The following ZNF678 variants were observed in gnomAD, a reference collection of about 807,000 sequenced individuals.
The protein encoded by ZNF678 is hypothetical protein MGC42493.
A neutral mutation model predicts 3.0 loss-of-function variants in ZNF678; 5 were observed. The observed-to-expected ratio is 1.69, with a 90% CI of 0.88 to 3.56. The LOEUF is 3.56. Among genes scored for constraint, ZNF678 ranks in the 30% most tolerant of loss-of-function variants. The pLI, the probability that ZNF678 is intolerant of heterozygous loss-of-function variation, is 0.00. For synonymous variants in ZNF678, 218 were observed against 199.6 expected (o/e 1.09, Z -0.78); for missense variants, 593 against 605.0 (o/e 0.98, Z 0.21).
rs747086047 is a variant in ZNF678 at position 227,588,506 on chromosome 1, C to CTT, written c.-164+24792_-164+24793dup. On this transcript the variant is annotated intron_variant, in intron 1 of 3. Coordinates refer to ENST00000343776, the MANE Select transcript of ZNF678 (RefSeq NM_001367909.1). Reference sequence around the variant, plus strand: ...TCACCAGCATCTGTTGTTTTTTTTACTTTTTTTTTTTGGAAACACAGTCTC... The same window carrying CTT: ...TCACCAGCATCTGTTGTTTTTTTTACTTTTTTTTTTTTTGGAAACACAGTCTC... Among the ~76,000 whole-genome samples the CTT allele has an allele frequency of 2.7e-3, 362 of 135,890 alleles. 12 individuals are homozygous for CTT. The highest frequency in any genetic ancestry group is 7.7e-3 in the African/African-American group (276 of 35,740). The allele number at this position is 135,890 out of a possible 152,430, so 89.1% of individuals were successfully genotyped here. A position where few individuals can be genotyped will look rare whatever the true frequency, so the allele number is the denominator to read the frequency against.
intron 1 of ZNF678, among the ~76,000 whole-genome samples, chr1:227,596,293 A>T (rs1342830622): frequency 1.3e-5 from 2 of 152,180 alleles, no homozygotes; most frequent in East Asian, 3.8e-4. Flanking sequence ...ACCTAAGACA[A>T]AACTCCTCAG....
intron 1 of ZNF678, among the ~76,000 whole-genome samples, chr1:227,592,861 G>A (rs930713047): frequency 2.6e-5 from 4 of 152,180 alleles, no homozygotes; most frequent in Admixed American, 2.6e-4. Flanking sequence ...CCAGTTATTC[G>A]GCAGAGTGCC....
intron 1 of ZNF678, among the ~76,000 whole-genome samples, chr1:227,598,042 C>T (rs1657640222): frequency 6.6e-6 from 1 of 152,192 alleles, no homozygotes; most frequent in Admixed American, 6.5e-5. Flanking sequence ...TGTAATCCCT[C>T]CTCCAAAAAT....
At chr1:227,578,186 A>G (rs775061030) in intron 1 of ZNF678, among the ~76,000 whole-genome samples, 1 of 151,928 alleles carries the variant, frequency 6.6e-6, no homozygotes, top group Non-Finnish European at 1.5e-5. Context: ...TTTTATTTCA[A>G]CCTCAGAGAA....
intron 1 of ZNF678, among the ~76,000 whole-genome samples, chr1:227,631,949 C>G (rs1371799204): frequency 6.6e-6 from 1 of 152,220 alleles, no homozygotes; most frequent in African/African-American, 2.4e-5. Flanking sequence ...AGACCTAGTT[C>G]CAGTTGTTAA....
chr1:227,593,203 G>A (rs1174613717), intron 1 of ZNF678, among the ~76,000 whole-genome samples: 1 of 152,224 alleles, frequency 6.6e-6, no homozygotes, highest in Non-Finnish European at 1.5e-5. Context: ...TTAGTGGAAG[G>A]GGGACAGTTT....
At chr1:227,566,730 A>G (rs1656696353) in intron 1 of ZNF678, among the ~76,000 whole-genome samples, 1 of 152,254 alleles carries the variant, frequency 6.6e-6, no homozygotes, top group South Asian at 2.1e-4. Flanking sequence ...AAGGTTAGAA[A>G]ATATTTACAA....
intron 1 of ZNF678, among the ~76,000 whole-genome samples, chr1:227,617,763 T>C (rs1450520430): frequency 6.6e-6 from 1 of 152,156 alleles, no homozygotes; most frequent in African/African-American, 2.4e-5. Flanking sequence ...AAAAGGTACA[T>C]AAATAGATGT....
intron 1 of ZNF678, among the ~76,000 whole-genome samples, chr1:227,589,842 T>A (rs1558134525): frequency 6.6e-6 from 1 of 151,948 alleles, no homozygotes; most frequent in East Asian, 1.9e-4. Context: ...TTTCTGCCTT[T>A]TAGTTTTTAC....
At chr1:227,564,716 CTGT>C (rs950101038) in intron 1 of ZNF678, among the ~76,000 whole-genome samples, 15 of 152,106 alleles carry the variant, frequency 9.9e-5, no homozygotes, top group Non-Finnish European at 2.1e-4. Flanking sequence ...TTTGTTGTTG[CTGT>C]TGTTGTTTTG....
In ZNF678 at chr1:227,654,815, G is replaced by C. The variant is rs61744724; in HGVS notation, c.565G>C (p.Val189Leu). 4,208 of 1,604,376 alleles carry C rather than the reference G, an allele frequency of 2.6e-3. 93 individuals are homozygous for C. The African/African-American group carries it at 0.048, about 18-fold the overall frequency. ...KPYKCDECDK[V>L]FNWWSQLTSH... is the part of the protein sequence containing the mutation. ...CTACAAATGTGATGAATGTGACAAA[G>C]TTTTTAATTGGTGGTCACAACTAAC... Residue 189 changes from valine to leucine, a missense_variant, in exon 4 of 4, where the codon GTT becomes CTT. By Grantham distance (32) the Val-to-Leu change is conservative. Transcript: ENST00000343776.
intron 1 of ZNF678, among the ~76,000 whole-genome samples, chr1:227,639,089 G>A (rs1179372322): frequency 6.6e-6 from 1 of 152,066 alleles, no homozygotes; most frequent in African/African-American, 2.4e-5. Context: ...GATGGGGGCG[G>A]TCCTTGCTGG....
At chr1:227,615,537 T>C (rs1168484676) in intron 1 of ZNF678, among the ~76,000 whole-genome samples, 1 of 152,182 alleles carries the variant, frequency 6.6e-6, no homozygotes, top group Admixed American at 6.5e-5. Flanking sequence ...CCTGTCCCAC[T>C]CCAGCCTGCC....
Position 227,668,628 on chromosome 1 carries a change from G to A in ZNF678, c.227-8551G>A, listed in dbSNP as rs1461375533. Among the ~76,000 whole-genome samples, 3 of 151,954 alleles carry A rather than the reference G, an allele frequency of 2.0e-5. No homozygotes were observed. In the East Asian group the frequency reaches 5.8e-4, roughly 29 times the overall value. ...ACCTGTGGCTTACGTAAGCCACTGG[G>A]GTCTACAAGTGTTCACATTTGGCAT... On this transcript the variant is annotated intron_variant, in intron 5 of 5. Coordinates refer to the ZNF678 transcript ENST00000608949.
rs796186350 is a variant in ZNF678, at chr1:227,662,345, TGAAGTTCTGTTTGCTGTCATGTG to T, written c.*6522_*6544del. The T allele has an allele frequency of 8.5e-5, 13 of 152,322 alleles. No homozygotes were observed. Among genetic ancestry groups the T allele is most frequent in the African/African-American group, 3.1e-4 (13 of 41,570 alleles). The allele number at this position is 152,322 out of a possible 1,614,324, so 9.4% of individuals were successfully genotyped here. A position where few individuals can be genotyped will look rare whatever the true frequency, so the allele number is the denominator to read the frequency against. On this transcript the variant is annotated 3_prime_UTR_variant, in exon 4 of 4. Coordinates refer to ENST00000343776, the MANE Select transcript of ZNF678 (RefSeq NM_001367909.1). ...GGTATGAATTTTCCTGTAAGCTACC[TGAAGTTCTGTTTGCTGTCATGTG>T]GAAGAAAAGAGCCTTGGAGAAGTTT... is the stretch of plus-strand genomic sequence containing the variant.
intron 1 of ZNF678, among the ~76,000 whole-genome samples, chr1:227,631,863 T>C (rs1658555332): frequency 6.6e-6 from 1 of 152,234 alleles, no homozygotes; most frequent in Non-Finnish European, 1.5e-5. Context: ...TCTTGGCAGA[T>C]GGATTTTGGG....
At chr1:227,671,900 A>T (rs1659606582) in intron 5 of ZNF678, among the ~76,000 whole-genome samples, 1 of 152,204 alleles carries the variant, frequency 6.6e-6, no homozygotes. Context: ...ATGTAAAAAA[A>T]TAGGACATGT....
chr1:227,576,359 G>A (rs1204768582), intron 1 of ZNF678, among the ~76,000 whole-genome samples: 3 of 152,194 alleles, frequency 2.0e-5, no homozygotes, highest in Non-Finnish European at 4.4e-5. Context: ...GTAGAATTCA[G>A]CTGTTAATTT....
chr1:227,581,399 TA>T (rs1226204387), intron 1 of ZNF678, among the ~76,000 whole-genome samples: 1 of 151,844 alleles, frequency 6.6e-6, no homozygotes, highest in African/African-American at 2.4e-5. Flanking sequence ...AAGGAAAAAT[TA>T]AAGGAAGCAT....
Sources: allele counts gnomAD v4.1 joint callset (sites outside exome capture counted in the v4.1 genomes callset), GRCh38; gene constraint gnomAD v4.1.1; transcripts MANE v1.5; gene names NCBI Gene and HGNC (gene_info 2026-07-23, HGNC 2026-07-21).